Variants in ANKRD62 observed in about 807,000 individuals in gnomAD.
The protein encoded by ANKRD62 is ankyrin repeat domain-containing protein 62.
A neutral mutation model predicts 98.8 loss-of-function variants in ANKRD62; 61 were observed. That is an observed-to-expected ratio of 0.62 (90% confidence interval 0.50 to 0.76). ANKRD62 has a LOEUF of 0.76. Among genes scored for constraint, ANKRD62 ranks in the 30% least tolerant of loss-of-function variants. The pLI, the probability that ANKRD62 is intolerant of heterozygous loss-of-function variation, is 0.00. For synonymous variants in ANKRD62, 341 were observed against 367.9 expected (o/e 0.93, Z 0.84); for missense variants, 933 against 1,082.9 (o/e 0.86, Z 1.94).
chr18:12,122,015 C>G (rs1237801420), intron 10 of ANKRD62, among the ~76,000 whole-genome samples: 1 of 152,154 alleles, frequency 6.6e-6, no homozygotes, highest in Non-Finnish European at 1.5e-5. Flanking sequence ...AAGTATAGGT[C>G]AGATCCTCTT....
At chr18:12,165,369 G>A in the ANKRD62 span, among the ~76,000 whole-genome samples, 2 of 151,680 alleles carry the variant, frequency 1.3e-5, no homozygotes, top group African/African-American at 4.8e-5. Context: ...CTTCCTTTTA[G>A]TAAAAGTGAT....
rs1229279239 is a variant in ANKRD62, at chr18:12,094,215, C to T, written c.198C>T (p.Asn66=). 3.9e-6 allele frequency: 6 copies of T among 1,527,854 alleles called. No individual in the cohort carries two copies. In the South Asian group the frequency reaches 6.0e-5, roughly 15 times the overall value. 94.6% of individuals were successfully genotyped at this position (1,527,854 alleles called of 1,614,324 possible). ...ESILLRLNDL[N]DRDKKNRTAL... Reference sequence around the variant, plus strand: ...TCTTGCTCAGGCTGAATGACTTGAACGACAGGGACAAGAAGAACAGGTAAG... The same window carrying T: ...TCTTGCTCAGGCTGAATGACTTGAATGACAGGGACAAGAAGAACAGGTAAG... Residue 66 remains asparagine, a synonymous_variant, in exon 1 of 14, where the codon AAC becomes AAT. Coordinates refer to ENST00000587848, the MANE Select transcript of ANKRD62 (RefSeq NM_001277333.2).
At chr18:12,169,333 T>C in the ANKRD62 span, among the ~76,000 whole-genome samples, 8 of 152,374 alleles carry the variant, frequency 5.3e-5, no homozygotes, top group East Asian at 1.5e-3. Flanking sequence ...TGAGAGTTTT[T>C]AGCATGAAGG....
chr18:12,099,539 G>T lies in ANKRD62; in HGVS notation c.753-76G>T, dbSNP rs373707519. ...CTGATATTGTTTGATATACTCTTAA[G>T]AATTTAATGTATTTGGTAAAGTTTT... is the stretch of plus-strand genomic sequence containing the variant. On this transcript the variant is annotated intron_variant, in intron 5 of 13. Coordinates refer to ENST00000587848, the MANE Select transcript of ANKRD62 (RefSeq NM_001277333.2). 1.3e-5 allele frequency: 12 copies of T among 889,958 alleles called. No individual in the cohort carries two copies. In the South Asian group the frequency reaches 1.9e-4, roughly 14 times the overall value. 55.1% of individuals were successfully genotyped at this position (889,958 alleles called of 1,614,324 possible).
chr18:12,156,402 T>C, the ANKRD62 span, among the ~76,000 whole-genome samples: 3 of 152,162 alleles, frequency 2.0e-5, no homozygotes, highest in Non-Finnish European at 4.4e-5. Context: ...CATGGACTGG[T>C]AGATCCTCAT....
chr18:12,118,090 A>C (rs922061943), intron 10 of ANKRD62, among the ~76,000 whole-genome samples: 2 of 152,134 alleles, frequency 1.3e-5, no homozygotes, highest in African/African-American at 2.4e-5. Context: ...TGCAGCCCAT[A>C]GTGTGCATTG....
At chr18:12,156,623 C>A in the ANKRD62 span, among the ~76,000 whole-genome samples, 1 of 152,096 alleles carries the variant, frequency 6.6e-6, no homozygotes, top group African/African-American at 2.4e-5. Context: ...TTATACACAT[C>A]TGTGTGTGTT....
chr18:12,136,037 CTTTAGT>C, the ANKRD62 span, among the ~76,000 whole-genome samples: 1 of 152,140 alleles, frequency 6.6e-6, no homozygotes, highest in Non-Finnish European at 1.5e-5. Flanking sequence ...TGCAGAAGCT[CTTTAGT>C]TTAATTAGAT....
In ANKRD62 at chr18:12,128,753, T is replaced by C. The variant is rs1289168567; in HGVS notation, c.*814T>C. On this transcript the variant is annotated 3_prime_UTR_variant, in exon 14 of 14. Transcript: ENST00000587848. ...TGGTTTCCCTGGAAAGGAAAGATGA[T>C]GCTTAGTTTTAAATGTTAAAAATGG... is the stretch of plus-strand genomic sequence containing the variant. 1.3e-5 allele frequency: 2 copies of C among 152,256 alleles called. No homozygotes were observed. The highest frequency in any genetic ancestry group is 2.9e-5 in the Non-Finnish European group (2 of 68,050). 9.4% of individuals were successfully genotyped at this position (152,256 alleles called of 1,614,324 possible). A position where few individuals can be genotyped will look rare whatever the true frequency, so the allele number is the denominator to read the frequency against.
intron 10 of ANKRD62, among the ~76,000 whole-genome samples, chr18:12,116,912 T>C (rs1286674353): frequency 1.3e-5 from 2 of 152,192 alleles, no homozygotes; most frequent in Non-Finnish European, 2.9e-5. Context: ...TCTGCATTTA[T>C]ATGTCATATT....
At chr18:12,108,425 C>G (rs1909462564) in intron 8 of ANKRD62, among the ~76,000 whole-genome samples, 1 of 152,100 alleles carries the variant, frequency 6.6e-6, no homozygotes, top group South Asian at 2.1e-4. Context: ...TGTGAGAACT[C>G]ACTCACTATC....
At chr18:12,146,664 C>T in the ANKRD62 span, among the ~76,000 whole-genome samples, 8 of 152,086 alleles carry the variant, frequency 5.3e-5, no homozygotes, top group Admixed American at 6.5e-5. Context: ...CAGCTGGCCT[C>T]GAACTCCTGA....
In ANKRD62 at chr18:12,122,519, A is replaced by G; in HGVS notation, c.1454+3A>G. 1 of 1,507,900 alleles carries G rather than the reference A, an allele frequency of 6.6e-7. No homozygotes were observed. Among genetic ancestry groups the G allele is most frequent in the Non-Finnish European group, 8.8e-7 (1 of 1,138,194 alleles). The allele number at this position is 1,507,900 out of a possible 1,614,324, so 93.4% of individuals were successfully genotyped here. ...AAAAAAAAGCTCTGTAATTTGAGGT[A>G]TCACATTCTAGTTTTAAAGAAATAT... On this transcript the variant is annotated splice_donor_region_variant and intron_variant, in intron 11 of 13. Transcript: ENST00000587848.
intron 7 of ANKRD62, among the ~76,000 whole-genome samples, chr18:12,106,615 T>C (rs929693204): frequency 4.6e-5 from 7 of 152,348 alleles, no homozygotes; most frequent in East Asian, 1.9e-4. Flanking sequence ...GATAATTACT[T>C]ACACTGTATA....
chr18:12,099,739 G>GT, intron 6 of ANKRD62, 57 bp downstream of exon 6: 1 of 1,035,782 alleles, frequency 9.7e-7, no homozygotes, highest in South Asian at 2.6e-5. Context: ...AAAAAAGTAA[G>GT]AGGAAGGAAG....
At chr18:12,117,391 T>C (rs1909688192) in intron 10 of ANKRD62, among the ~76,000 whole-genome samples, 1 of 152,204 alleles carries the variant, frequency 6.6e-6, no homozygotes, top group Non-Finnish European at 1.5e-5. Context: ...GTAAACCTAT[T>C]GTGTGGTCAT....
At chr18:12,119,752 A>AT (rs1909745644) in intron 10 of ANKRD62, among the ~76,000 whole-genome samples, 1 of 151,506 alleles carries the variant, frequency 6.6e-6, no homozygotes, top group Non-Finnish European at 1.5e-5. Context: ...TTATTTTATT[A>AT]TTTATTTATT....
the ANKRD62 span, among the ~76,000 whole-genome samples, chr18:12,174,471 C>A: frequency 6.6e-6 from 1 of 152,214 alleles, no homozygotes; most frequent in Non-Finnish European, 1.5e-5. Flanking sequence ...ATTTTCATTT[C>A]TATCCATAGT....
intron 8 of ANKRD62, 132 bp downstream of exon 8, chr18:12,107,599 A>G: frequency 1.5e-6 from 1 of 652,918 alleles, no homozygotes; most frequent in East Asian, 3.5e-5. Flanking sequence ...CCTGGTAATC[A>G]TAAAATGCAA....
Sources: allele counts gnomAD v4.1 joint callset (sites outside exome capture counted in the v4.1 genomes callset), GRCh38; gene constraint gnomAD v4.1.1; transcripts MANE v1.5; gene names NCBI Gene and HGNC (gene_info 2026-07-23, HGNC 2026-07-21).